The following SUPT3H variants were observed in gnomAD, a reference collection of about 807,000 sequenced individuals.
SUPT3H encodes the protein SPT3 homolog, SAGA and STAGA complex component, also known as transcription initiation protein SPT3 homolog.
Under a neutral mutation model 44.3 loss-of-function variants are expected in SUPT3H, and 44 were observed. The observed-to-expected ratio is 0.99, with a 90% CI of 0.78 to 1.28. The LOEUF is 1.28. Among genes scored for constraint, SUPT3H ranks in the 50% most tolerant of loss-of-function variants. The pLI is 0.00. For synonymous variants in SUPT3H, 124 were observed against 125.6 expected (o/e 0.99, Z 0.09); for missense variants, 380 against 387.1 (o/e 0.98, Z 0.15).
intron 2 of SUPT3H, among the ~76,000 whole-genome samples, chr6:45,190,591 T>C (rs1483800928): frequency 6.6e-6 from 1 of 152,124 alleles, no homozygotes; most frequent in Non-Finnish European, 1.5e-5. Context: ...TGAAAATAGA[T>C]TTTGAAAACG....
intron 2 of SUPT3H, among the ~76,000 whole-genome samples, chr6:45,137,101 T>C (rs1804416742): frequency 6.6e-6 from 1 of 152,092 alleles, no homozygotes; most frequent in Admixed American, 6.5e-5. Context: ...TGGAATATGT[T>C]AGAAGGGCTA....
chr6:45,231,881 TTCGAGTGTA>T (rs1161197682), intron 2 of SUPT3H, among the ~76,000 whole-genome samples: 4 of 152,174 alleles, frequency 2.6e-5, no homozygotes, highest in African/African-American at 9.7e-5. Flanking sequence ...TGCTGAAGCT[TTCGAGTGTA>T]TTTTGTATTT....
chr6:45,343,004 G>A (rs1790127653), intron 2 of SUPT3H, among the ~76,000 whole-genome samples: 2 of 152,106 alleles, frequency 1.3e-5, no homozygotes, highest in African/African-American at 4.8e-5. Flanking sequence ...AGCTCCCTGT[G>A]TCTCAATTTC....
rs1480520239 is a variant in SUPT3H at position 45,368,584 on chromosome 6, TA to T, written c.1-3284del. Among the ~76,000 whole-genome samples, 5 of 152,286 alleles carry T rather than the reference TA, an allele frequency of 3.3e-5. No individual in the cohort carries two copies. The East Asian group carries it at 9.6e-4, about 29-fold the overall frequency. The stretch of plus-strand genomic sequence containing the variant: ...AAATACCATGAAACATCTTTAAGCT[TA>T]AAAGACCTCAAATTGTTGAGAACCT... On this transcript the variant is annotated intron_variant, in intron 1 of 10. Transcript: ENST00000371459.
At chr6:45,054,798 C>T (rs1023592187) in intron 3 of SUPT3H, among the ~76,000 whole-genome samples, 1 of 152,110 alleles carries the variant, frequency 6.6e-6, no homozygotes, top group African/African-American at 2.4e-5. Context: ...CCTGAGCAGA[C>T]TATGAAGTGA....
chr6:44,927,616 A>G (rs1247674695), intron 10 of SUPT3H, among the ~76,000 whole-genome samples: 1 of 152,184 alleles, frequency 6.6e-6, no homozygotes, highest in Non-Finnish European at 1.5e-5. Context: ...TATGCAAAAA[A>G]TCGGGTGGTA....
At chr6:44,893,162 T>A (rs969776293) in intron 10 of SUPT3H, among the ~76,000 whole-genome samples, 5 of 152,156 alleles carry the variant, frequency 3.3e-5, no homozygotes, top group Non-Finnish European at 1.5e-5. Flanking sequence ...AGGCATCTCA[T>A]CTCACTTCCT....
rs1207706180 is a variant in SUPT3H at position 44,907,984 on chromosome 6, A to G, written c.912+24669T>C. 3.3e-5 allele frequency among the ~76,000 whole-genome samples: 5 copies of G among 152,168 alleles called. No individual in the cohort carries two copies. In the East Asian group the frequency reaches 5.8e-4, roughly 18 times the overall value. On this transcript the variant is annotated intron_variant, in intron 10 of 10. Coordinates refer to ENST00000371459, the MANE Select transcript of SUPT3H (RefSeq NM_003599.4). ...AAAGTAAGGAACTGTGGAGGACCAA[A>G]GAGCCAGGAGAACTTGAAAGAGTAG...
chr6:45,106,759 C>T (rs1043514118), intron 2 of SUPT3H, among the ~76,000 whole-genome samples: 3 of 152,194 alleles, frequency 2.0e-5, no homozygotes, highest in Non-Finnish European at 4.4e-5. Flanking sequence ...TGGTCTCGAA[C>T]TCCTGACCTC....
intron 10 of SUPT3H, among the ~76,000 whole-genome samples, chr6:44,903,136 C>G (rs1765382187): frequency 6.6e-6 from 1 of 152,038 alleles, no homozygotes; most frequent in Non-Finnish European, 1.5e-5. Flanking sequence ...GAAGCAAGAG[C>G]AAACAAATTC....
At chr6:45,160,614 CA>C (rs551602245) in intron 2 of SUPT3H, among the ~76,000 whole-genome samples, 96 of 138,914 alleles carry the variant, frequency 6.9e-4, no homozygotes, top group Admixed American at 1.6e-3. Flanking sequence ...TGAATTGAAA[CA>C]AAAAAAAAAT....
chr6:45,148,293 C>A (rs1288238052), intron 2 of SUPT3H, among the ~76,000 whole-genome samples: 3 of 152,132 alleles, frequency 2.0e-5, no homozygotes, highest in African/African-American at 7.2e-5. Flanking sequence ...GAGGTCAATA[C>A]TACTATCCCT....
chr6:45,177,540 CA>C (rs1334262870), intron 2 of SUPT3H, among the ~76,000 whole-genome samples: 1 of 151,980 alleles, frequency 6.6e-6, no homozygotes, highest in African/African-American at 2.4e-5. Flanking sequence ...CAAGGCAGGC[CA>C]ACATTCAGAT....
intron 10 of SUPT3H, among the ~76,000 whole-genome samples, chr6:44,910,112 C>CAGAA (rs1766778534): frequency 6.6e-6 from 1 of 152,156 alleles, no homozygotes; most frequent in South Asian, 2.1e-4. Context: ...TCCCCACTGT[C>CAGAA]TTCTGAGTCC....
intron 2 of SUPT3H, among the ~76,000 whole-genome samples, chr6:45,359,907 T>C (rs1266550219): frequency 1.3e-5 from 2 of 152,148 alleles, no homozygotes; most frequent in African/African-American, 2.4e-5. Context: ...CAGCCAGGTG[T>C]GGTGGCTCAC....
intron 10 of SUPT3H, among the ~76,000 whole-genome samples, chr6:44,876,835 T>G (rs1777370137): frequency 1.7e-5 from 1 of 59,576 alleles, no homozygotes; most frequent in Non-Finnish European, 4.3e-5. Context: ...GATCTTCAAT[T>G]GAAAAAAAAA....
chr6:44,864,174 A>G (rs1775107967), intron 10 of SUPT3H, among the ~76,000 whole-genome samples: 1 of 152,202 alleles, frequency 6.6e-6, no homozygotes, highest in Non-Finnish European at 1.5e-5. Context: ...CTTATCTGAG[A>G]CAAGGCAAGT....
chr6:45,181,601 T>C (rs1813203797), intron 2 of SUPT3H, among the ~76,000 whole-genome samples: 1 of 151,206 alleles, frequency 6.6e-6, no homozygotes, highest in Non-Finnish European at 1.5e-5. Context: ...TCATTCTCAG[T>C]AAACCATCGC....
chr6:45,182,077 T>G (rs1180195572), intron 2 of SUPT3H, among the ~76,000 whole-genome samples: 6 of 152,004 alleles, frequency 3.9e-5, no homozygotes, highest in African/African-American at 1.4e-4. Flanking sequence ...CCTTAATAAA[T>G]TTTTATGCAC....
Sources: gnomAD v4.1 joint callset for allele counts (sites outside exome capture counted in the v4.1 genomes callset) on GRCh38, gnomAD v4.1.1 for gene constraint, MANE v1.5 for transcripts, NCBI Gene and HGNC (gene_info 2026-07-23, HGNC 2026-07-21) for gene names.